The following LRFN2 variants were observed in gnomAD, a reference collection of about 807,000 sequenced individuals.
LRFN2 encodes leucine rich repeat and fibronectin type III domain containing 2, also known as leucine-rich repeat and fibronectin type-III domain-containing protein 2.
A neutral mutation model predicts 37.3 loss-of-function variants in LRFN2; 18 were observed. The observed-to-expected ratio is 0.48, with a 90% confidence interval of 0.33 to 0.72. LRFN2 has a LOEUF of 0.72. LRFN2 is among the 30% of genes least tolerant of loss of function. The probability of loss-of-function intolerance (pLI) is 0.02; values close to 1 mark genes in which losing one functional copy is unlikely to be tolerated. For missense variants in LRFN2, 1,006 were observed against 1,060.7 expected (o/e 0.95, Z 0.72); for synonymous variants, 556 against 466.6 (o/e 1.19, Z -2.47).
At chr6:40,411,204 T>C (rs369741218) in intron 2 of LRFN2, among the ~76,000 whole-genome samples, 1 of 152,144 alleles carries the variant, frequency 6.6e-6, no homozygotes. Context: ...CTGCTCCAGC[T>C]GGGGAGAGGC....
At chr6:40,444,898 C>T (rs1274037195) in intron 1 of LRFN2, among the ~76,000 whole-genome samples, 2 of 128,950 alleles carry the variant, frequency 1.6e-5, no homozygotes, top group African/African-American at 5.4e-5. Flanking sequence ...CTGTCTTCTT[C>T]ATGATTTTTT....
chr6:40,564,457 T>C (rs1413481713), intron 1 of LRFN2, among the ~76,000 whole-genome samples: 3 of 152,160 alleles, frequency 2.0e-5, no homozygotes, highest in African/African-American at 7.2e-5. Flanking sequence ...CCAAAGTTCA[T>C]CTTTGAGATC....
Position 40,431,900 on chromosome 6 carries a change from G to C in LRFN2, c.1214C>G (p.Thr405Ser). 1 of 1,611,932 alleles carries C rather than the reference G, an allele frequency of 6.2e-7. No individual in the cohort carries two copies. Among genetic ancestry groups the C allele is most frequent in the Non-Finnish European group, 8.5e-7 (1 of 1,178,642 alleles). The change falls in exon 2 of 3, where the codon ACC becomes AGC. Residue 405 changes from threonine (T) to serine (S), a missense_variant. Thr to Ser is a moderately conservative substitution (Grantham distance 58). This residue lies in a region of LRFN2 where 303 missense variants were observed against 299.8 expected (regional missense o/e 1.01). Transcript: ENST00000338305. ...CCCACTGCCTCCACCTCCCCGGCTG[G>C]TCTTGCTGGAGCCAGTGATGTCTGA... ...RLSDITGSSK[T>S]SRGGGGSGGG...
intron 1 of LRFN2, among the ~76,000 whole-genome samples, chr6:40,549,208 C>T (rs368736107): frequency 6.6e-6 from 1 of 152,174 alleles, no homozygotes; most frequent in Non-Finnish European, 1.5e-5. Flanking sequence ...GTTTGCAATA[C>T]AGTTTTCTAG....
chr6:40,464,664 T>C (rs1202365038), intron 1 of LRFN2, among the ~76,000 whole-genome samples: 1 of 152,228 alleles, frequency 6.6e-6, no homozygotes, highest in Non-Finnish European at 1.5e-5. Context: ...ATGTCCACCA[T>C]TCCCATGCAT....
chr6:40,434,783 A>G (rs1347808881), intron 1 of LRFN2, among the ~76,000 whole-genome samples: 2 of 151,422 alleles, frequency 1.3e-5, no homozygotes, highest in African/African-American at 4.9e-5. Flanking sequence ...CAGCCCCTCA[A>G]ATTGCCTGCT....
chr6:40,486,018 A>T (rs1172174491), intron 1 of LRFN2, among the ~76,000 whole-genome samples: 1 of 152,260 alleles, frequency 6.6e-6, no homozygotes, highest in African/African-American at 2.4e-5. Flanking sequence ...TGGCAGAGAC[A>T]TTCACATCAG....
chr6:40,392,905 G>T lies in LRFN2; in HGVS notation c.1408C>A (p.Pro470Thr). ...ACCACGAAGGCCTTGTTGGAGGCTG[G>T]GATCATCCTGGGGAGGGAGGTGGAC... ...DDEVLIYRMI[P>T]ASNKAFVVNN... The change falls in exon 3 of 3, where the codon CCA becomes ACA. Residue 470 changes from proline to threonine, a missense_variant. By Grantham distance (38) the Pro-to-Thr change is conservative. Transcript: ENST00000338305. The surrounding 1 kb of genome is among the most constrained non-coding windows in gnomAD (Gnocchi z 4.7). 6.2e-7 allele frequency: 1 copy of T among 1,606,788 alleles called. No homozygotes were observed. The highest frequency in any genetic ancestry group is 8.5e-7 in the Non-Finnish European group (1 of 1,176,382).
intron 1 of LRFN2, among the ~76,000 whole-genome samples, chr6:40,470,482 C>G (rs1274266316): frequency 6.6e-6 from 1 of 152,086 alleles, no homozygotes; most frequent in Non-Finnish European, 1.5e-5. Flanking sequence ...TGGTGGCATG[C>G]ACCTGTAGTC....
At chr6:40,410,314 C>T (rs1039027762) in intron 2 of LRFN2, among the ~76,000 whole-genome samples, 1 of 152,054 alleles carries the variant, frequency 6.6e-6, no homozygotes, top group East Asian at 1.9e-4. Context: ...AAGAACATCA[C>T]TGGAAGAGGG....
chr6:40,438,137 C>A (rs1389898008), intron 1 of LRFN2, among the ~76,000 whole-genome samples: 2 of 152,126 alleles, frequency 1.3e-5, no homozygotes, highest in Non-Finnish European at 2.9e-5. Flanking sequence ...TATGAGTCTG[C>A]ACTGGGGTAA....
chr6:40,396,963 G>C (rs1211160899), intron 2 of LRFN2, among the ~76,000 whole-genome samples: 3 of 152,156 alleles, frequency 2.0e-5, no homozygotes, highest in Non-Finnish European at 2.9e-5. Flanking sequence ...TTCCGGTTTA[G>C]AGAAGGAGGA....
chr6:40,564,203 G>C (rs145526142), intron 1 of LRFN2, among the ~76,000 whole-genome samples: 1 of 152,154 alleles, frequency 6.6e-6, no homozygotes, highest in East Asian at 1.9e-4. Flanking sequence ...CCAACTCCAA[G>C]AGTGTTTCAT....
intron 2 of LRFN2, among the ~76,000 whole-genome samples, chr6:40,401,342 C>T (rs34045288): frequency 0.3 from 45,412 of 152,024 alleles, 7,105 homozygotes; most frequent in Non-Finnish European, 0.33. Context: ...TGATCTGTGC[C>T]ATCTCTGGGC....
intron 1 of LRFN2, among the ~76,000 whole-genome samples, chr6:40,461,719 C>A (rs1013870390): frequency 6.6e-6 from 1 of 151,662 alleles, no homozygotes; most frequent in Non-Finnish European, 1.5e-5. Context: ...GTAGGAGAGG[C>A]GAGGGAGATT....
chr6:40,530,598 G>T (rs992628789), intron 1 of LRFN2, among the ~76,000 whole-genome samples: 1 of 151,728 alleles, frequency 6.6e-6, no homozygotes, highest in African/African-American at 2.4e-5. Context: ...TCAGAGGATT[G>T]CCCCTCTGCT....
At chr6:40,394,045 G>A (rs1032437735) in intron 2 of LRFN2, among the ~76,000 whole-genome samples, 1 of 152,166 alleles carries the variant, frequency 6.6e-6, no homozygotes, top group African/African-American at 2.4e-5. Context: ...TAGTAGGCCA[G>A]GCTCAGCCAA....
At chr6:40,470,395 A>C (rs998597697) in intron 1 of LRFN2, among the ~76,000 whole-genome samples, 3 of 152,228 alleles carry the variant, frequency 2.0e-5, no homozygotes, top group African/African-American at 7.2e-5. Flanking sequence ...GCAGATCACG[A>C]GGTCAGGAGA....
At chr6:40,463,386 A>T (rs1223099581) in intron 1 of LRFN2, among the ~76,000 whole-genome samples, 1 of 152,040 alleles carries the variant, frequency 6.6e-6, no homozygotes, top group Non-Finnish European at 1.5e-5. Flanking sequence ...CCCTGCTCCT[A>T]GTTTCAGTAT....
Sources: gnomAD v4.1 joint callset for allele counts (sites outside exome capture counted in the v4.1 genomes callset) on GRCh38, gnomAD v4.1.1 for gene constraint, gnomAD v4.1.1 regional missense constraint, Gnocchi (gnomAD v3.1) non-coding constraint, MANE v1.5 for transcripts, NCBI Gene and HGNC (gene_info 2026-07-23, HGNC 2026-07-21) for gene names.